CFAP74: variants seen among roughly 807,000 people sequenced by gnomAD.
CFAP74 encodes the protein cilia- and flagella-associated protein 74.
Under a neutral mutation model 188.9 loss-of-function variants are expected in CFAP74, and 124 were observed. The observed-to-expected ratio is 0.66, with a 90% confidence interval of 0.57 to 0.76. The LOEUF (loss-of-function observed/expected upper bound fraction) is 0.76, where lower values mean the gene tolerates loss of function less well. Among genes scored for constraint, CFAP74 ranks in the 30% least tolerant of loss-of-function variants. CFAP74 has a pLI of 0.00. For missense variants in CFAP74, 2,198 were observed against 2,165.2 expected, an observed-to-expected ratio of 1.02 and a Z score of -0.30; for synonymous variants, 956 against 916.7, an observed-to-expected ratio of 1.04 and a Z score of -0.77.
At position 1,923,904 on chromosome 1, in the gene CFAP74, G is replaced by GCTCTGACC; in HGVS notation, c.4252_4259dup (p.Ser1420ArgfsTer55). 6.2e-7 allele frequency: 1 copy of GCTCTGACC among 1,612,078 alleles called. No homozygotes were observed. Among genetic ancestry groups the GCTCTGACC allele is most frequent in the East Asian group, 2.2e-5 (1 of 44,856 alleles). On this transcript the variant is annotated frameshift_variant, in exon 35 of 39. Transcript: ENST00000682832. LOFTEE classifies it high-confidence loss of function. The surrounding 1 kb of genome is among the most constrained non-coding windows in gnomAD (Gnocchi z 6.3). Reference sequence around the variant, plus strand: ...CCTTGACGGGGGCCACGCTGAACACGCTCTGACCGTTGAGATTCTGCGTCC... The same window carrying GCTCTGACC: ...CCTTGACGGGGGCCACGCTGAACACGCTCTGACCCTCTGACCGTTGAGATTCTGCGTCC...
chr1:2,002,373 A>G (rs1392702462), intron 1 of CFAP74, among the ~76,000 whole-genome samples: 2 of 151,352 alleles, frequency 1.3e-5, no homozygotes, highest in Non-Finnish European at 2.9e-5. Context: ...ATAAATTTAT[A>G]TAAAATTTAA....
chr1:1,953,669 C>T (rs1654342580), intron 18 of CFAP74: 1 of 153,778 alleles, frequency 6.5e-6, no homozygotes, highest in Non-Finnish European at 1.5e-5. Context: ...CCGTGGAATA[C>T]ACAAACACGC....
chr1:1,960,113 TG>T, intron 14 of CFAP74, 83 bp from the exon 15 acceptor site: 1 of 1,213,700 alleles, frequency 8.2e-7, no homozygotes, highest in South Asian at 1.3e-5. Context: ...ACAGTCAGGC[TG>T]GGCCTCCTGG....
At chr1:2,001,611 C>T (rs1035597598) in intron 1 of CFAP74, among the ~76,000 whole-genome samples, 1 of 152,222 alleles carries the variant, frequency 6.6e-6, no homozygotes, top group Non-Finnish European at 1.5e-5. Flanking sequence ...CAGGCGTGAG[C>T]CACTGCACCC....
At position 1,921,996 on chromosome 1, in the gene CFAP74, C is replaced by A; in HGVS notation, c.*291G>T. The A allele has an allele frequency of 2.3e-6, 1 of 425,920 alleles. No homozygotes were observed. Among genetic ancestry groups the A allele is most frequent in the Non-Finnish European group, 4.2e-6 (1 of 236,564 alleles). The allele number at this position is 425,920 out of a possible 1,614,324, so 26.4% of individuals were successfully genotyped here. A position where few individuals can be genotyped will look rare whatever the true frequency, so the allele number is the denominator to read the frequency against. ...AAATTTATTGACAGGCTGTGGAGGG[C>A]TCTCCTGGGGGCTGGGGGCTCTGAG... On this transcript the variant is annotated 3_prime_UTR_variant, in exon 39 of 39. Transcript: ENST00000682832.
intron 1 of CFAP74, among the ~76,000 whole-genome samples, chr1:1,991,241 C>G (rs533390581): frequency 2.4e-3 from 366 of 152,218 alleles, no homozygotes; most frequent in African/African-American, 8.4e-3. Flanking sequence ...TTTGGGAGGC[C>G]GAGGCAGGTG....
At chr1:1,958,512 A>G (rs1570914186) in intron 16 of CFAP74, among the ~76,000 whole-genome samples, 1 of 152,172 alleles carries the variant, frequency 6.6e-6, no homozygotes, top group Non-Finnish European at 1.5e-5. Context: ...GTGCGGTGCG[A>G]GCTGACCAAT....
At chr1:2,002,544 G>GGA (rs1658258433) in intron 1 of CFAP74, among the ~76,000 whole-genome samples, 1 of 150,928 alleles carries the variant, frequency 6.6e-6, no homozygotes, top group South Asian at 2.1e-4. Flanking sequence ...AGCCAGGCAT[G>GGA]CTATAATCCC....
intron 1 of CFAP74, among the ~76,000 whole-genome samples, chr1:1,999,082 T>C (rs1658070456): frequency 6.6e-6 from 1 of 152,172 alleles, no homozygotes; most frequent in South Asian, 2.1e-4. Flanking sequence ...GAAACTCGTC[T>C]GGTGAATTTT....
intron 1 of CFAP74, among the ~76,000 whole-genome samples, chr1:1,991,472 G>A (rs1032514223): frequency 5.9e-5 from 9 of 151,872 alleles, no homozygotes; most frequent in South Asian, 4.2e-4. Flanking sequence ...GTGTGGTGGC[G>A]CATGCCTATA....
At position 1,944,437 on chromosome 1, in the gene CFAP74, C is replaced by A. The variant is rs138672899; in HGVS notation, c.2380G>T (p.Val794Leu). Residue 794 changes from valine to leucine, a missense_variant, in exon 21 of 39, where the codon GTG (valine) becomes TTG (leucine). Physicochemically the swap from Val to Leu is conservative, Grantham distance 32 (BLOSUM62 1). Transcript: ENST00000682832. ...PQCPTLHFRV[V>L]GVAIDVPVWV... ...ACCGGCACATCGATGGCCACGCCCA[C>A]GACCCTGAAATGCAGCTGCATATGG... 2 of 1,536,066 alleles carry A rather than the reference C, an allele frequency of 1.3e-6. No homozygotes were observed. The highest frequency in any genetic ancestry group is 1.7e-6 in the Non-Finnish European group (2 of 1,146,880).
chr1:2,002,091 C>T (rs1479254811), intron 1 of CFAP74, among the ~76,000 whole-genome samples: 3 of 152,130 alleles, frequency 2.0e-5, no homozygotes, highest in Non-Finnish European at 2.9e-5. Context: ...CCTCTCCTGA[C>T]TCGGGCCATG....
intron 18 of CFAP74, among the ~76,000 whole-genome samples, chr1:1,948,956 TACTCC>T (rs1654002238): frequency 9.9e-4 from 10 of 10,110 alleles, no homozygotes; most frequent in Non-Finnish European, 1.3e-3. Context: ...TTCCCTCCCT[TACTCC>T]CTTCCTTCCT....
chr1:1,932,087 CAAAA>C (rs370006166), intron 25 of CFAP74, among the ~76,000 whole-genome samples: 17 of 53,688 alleles, frequency 3.2e-4, no homozygotes, highest in Non-Finnish European at 8.4e-4. Flanking sequence ...AAACAAAAAA[CAAAA>C]AACAAAAAAC....
chr1:1,974,895 C>T (rs527504548), intron 6 of CFAP74, among the ~76,000 whole-genome samples: 174 of 152,328 alleles, frequency 1.1e-3, no homozygotes, highest in Middle Eastern at 3.4e-3. Flanking sequence ...CTTCTAACAG[C>T]GGCCAGGTGA....
At chr1:1,971,837 C>T (rs1304584909) in intron 9 of CFAP74, 143 bp downstream of exon 9, 5 of 640,982 alleles carry the variant, frequency 7.8e-6, no homozygotes, top group South Asian at 3.7e-5. Context: ...GGCACAGGCT[C>T]GGGAAGCCTC....
At chr1:1,998,478 T>C (rs1438028620) in intron 1 of CFAP74, among the ~76,000 whole-genome samples, 1 of 152,178 alleles carries the variant, frequency 6.6e-6, no homozygotes, top group Non-Finnish European at 1.5e-5. Context: ...GTGAGGCTGA[T>C]AGTTGCTGAG....
At chr1:1,927,489 T>G (rs367865562) in intron 28 of CFAP74, 118 bp downstream of exon 28, 5 of 1,012,946 alleles carry the variant, frequency 4.9e-6, no homozygotes. Flanking sequence ...GCATCAGTCC[T>G]TCCAGCCACA....
chr1:1,976,136 C>T (rs994770956), intron 6 of CFAP74, among the ~76,000 whole-genome samples: 3 of 152,198 alleles, frequency 2.0e-5, no homozygotes, highest in Admixed American at 2.0e-4. Flanking sequence ...ATCGCCCCCA[C>T]GAGGGCAGGG....
Sources: allele counts gnomAD v4.1 joint callset (sites outside exome capture counted in the v4.1 genomes callset), GRCh38; gene constraint gnomAD v4.1.1; non-coding constraint Gnocchi (gnomAD v3.1); transcripts MANE v1.5; gene names NCBI Gene and HGNC (gene_info 2026-07-23, HGNC 2026-07-21).